The following PLEKHA8 variants were observed in gnomAD, a reference collection of about 807,000 sequenced individuals.
The protein encoded by PLEKHA8 is pleckstrin homology domain-containing family A member 8.
Under a neutral mutation model 68.2 loss-of-function variants are expected in PLEKHA8, and 36 were observed. That is an observed-to-expected ratio of 0.53 (90% confidence interval 0.40 to 0.70). PLEKHA8 has a LOEUF of 0.70. Ranked by LOEUF, PLEKHA8 falls within the 30% of genes least tolerant of loss-of-function variation. PLEKHA8 has a pLI of 0.00. For missense variants in PLEKHA8, 505 were observed against 615.4 expected, an observed-to-expected ratio of 0.82 and a Z score of 1.90; for synonymous variants, 211 against 216.1, an observed-to-expected ratio of 0.98 and a Z score of 0.20.
At chr7:30,060,835 G>A (rs1206938101) in intron 9 of PLEKHA8, 49 bp from the exon 10 acceptor site, 2 of 1,429,618 alleles carry the variant, frequency 1.4e-6, no homozygotes, top group South Asian at 1.2e-5. Context: ...AAAAAATATT[G>A]CCACTTAAAA....
chr7:30,085,751 G>C (rs1285727847), downstream of PLEKHA8, among the ~76,000 whole-genome samples: 1 of 152,176 alleles, frequency 6.6e-6, no homozygotes, highest in Non-Finnish European at 1.5e-5. Flanking sequence ...AGAGAAACAG[G>C]AGTGTTGAGT....
At position 30,054,671 on chromosome 7, in the gene PLEKHA8, A is replaced by G; in HGVS notation, c.797-38A>G. Reference sequence around the variant, plus strand: ...ATCAATATGTATTTTTATAATAAATATATAATAGGTTAGTAATAGATATTT... The same window carrying G: ...ATCAATATGTATTTTTATAATAAATGTATAATAGGTTAGTAATAGATATTT... On this transcript the variant is annotated intron_variant, in intron 7 of 13. Coordinates refer to ENST00000449726, the MANE Select transcript of PLEKHA8 (RefSeq NM_001197026.2). 2.3e-6 allele frequency: 3 copies of G among 1,292,164 alleles called. No homozygotes were observed. In the South Asian group the frequency reaches 5.9e-5, roughly 25 times the overall value. The allele number at this position is 1,292,164 out of a possible 1,614,324, so 80.0% of individuals were successfully genotyped here. A position where few individuals can be genotyped will look rare whatever the true frequency, so the allele number is the denominator to read the frequency against.
At chr7:30,058,064 C>CT (rs931108911) in intron 9 of PLEKHA8, among the ~76,000 whole-genome samples, 67 of 151,300 alleles carry the variant, frequency 4.4e-4, no homozygotes, top group Middle Eastern at 3.4e-3. Context: ...ATATTGAGCA[C>CT]TTTTTTTTTA....
chr7:30,092,875 A>G (rs1037365286), downstream of PLEKHA8, among the ~76,000 whole-genome samples: 4 of 152,214 alleles, frequency 2.6e-5, no homozygotes, highest in African/African-American at 9.7e-5. Flanking sequence ...TACGACATTT[A>G]GTCCTGAATC....
At position 30,083,278 on chromosome 7, in the gene PLEKHA8, C is replaced by T. The variant is rs1368279330; in HGVS notation, c.*4491C>T. 3.1e-6 allele frequency: 3 copies of T among 983,362 alleles called. No individual in the cohort carries two copies. The highest frequency in any genetic ancestry group is 1.2e-4 in the Admixed American group (2 of 16,246). The allele number at this position is 983,362 out of a possible 1,614,324, so 60.9% of individuals were successfully genotyped here. ...AGAAGTACATTCTACTTCTGTATGT[C>T]CCTTTGTAATCCGCAGTTGCTTACT... On this transcript the variant is annotated 3_prime_UTR_variant, in exon 14 of 14. Coordinates refer to ENST00000449726, the MANE Select transcript of PLEKHA8 (RefSeq NM_001197026.2).
At chr7:30,059,573 A>C (rs997152325) in intron 9 of PLEKHA8, among the ~76,000 whole-genome samples, 2 of 137,720 alleles carry the variant, frequency 1.5e-5, no homozygotes, top group African/African-American at 5.7e-5. Context: ...CTAGCCAGTT[A>C]ATCAATTTTT....
intron 12 of PLEKHA8, among the ~76,000 whole-genome samples, chr7:30,065,379 T>C (rs538897752): frequency 2.6e-4 from 40 of 152,236 alleles, no homozygotes; most frequent in South Asian, 1.9e-3. Flanking sequence ...AAAGTTCCCC[T>C]ATTAAACCCA....
intron 3 of PLEKHA8, among the ~76,000 whole-genome samples, chr7:30,046,631 A>G (rs1562860487): frequency 6.6e-6 from 1 of 152,220 alleles, no homozygotes; most frequent in Non-Finnish European, 1.5e-5. Context: ...TAACCTTGGC[A>G]TCGGTCACTT....
rs1326119779 is a variant in PLEKHA8 at position 30,028,741 on chromosome 7, G to T, written c.-22G>T. 2 of 1,256,118 alleles carry T rather than the reference G, an allele frequency of 1.6e-6. No homozygotes were observed. The highest frequency in any genetic ancestry group is 2.0e-6 in the Non-Finnish European group (2 of 993,882). The allele number at this position is 1,256,118 out of a possible 1,614,324, so 77.8% of individuals were successfully genotyped here. On this transcript the variant is annotated 5_prime_UTR_variant, in exon 1 of 14. Transcript: ENST00000449726. The stretch of plus-strand genomic sequence containing the variant: ...GGGCAGTGAGGGGGCCGGCGGGCGT[G>T]GGCCGAGTGGCCGCGGGCGCCATGG...
At chr7:30,115,087 A>C (rs2128019444) in intron 13 of PLEKHA8, among the ~76,000 whole-genome samples, 1 of 151,734 alleles carries the variant, frequency 6.6e-6, no homozygotes, top group South Asian at 2.1e-4. Context: ...CTTACCACTC[A>C]CTTCTCTCTT....
intron 12 of PLEKHA8, among the ~76,000 whole-genome samples, chr7:30,072,976 A>G (rs1256835101): frequency 6.6e-6 from 1 of 152,246 alleles, no homozygotes; most frequent in African/African-American, 2.4e-5. Flanking sequence ...CCTGTGGAGA[A>G]ATCAGTTTTG....
chr7:30,104,840 A>C (rs1215209971), intron 13 of PLEKHA8, among the ~76,000 whole-genome samples: 1 of 149,154 alleles, frequency 6.7e-6, no homozygotes, highest in Non-Finnish European at 1.5e-5. Flanking sequence ...CTCGTGCCTC[A>C]GCCTTCCGAG....
chr7:30,047,788 GTTGT>G (rs1477430717), intron 3 of PLEKHA8, 40 bp from the exon 4 acceptor site: 2 of 1,565,588 alleles, frequency 1.3e-6, no homozygotes, highest in Admixed American at 1.8e-5. Context: ...TAGTAAATCA[GTTGT>G]TTGTTCTGGT....
At chr7:30,116,410 G>A (rs545048093) in intron 13 of PLEKHA8, among the ~76,000 whole-genome samples, 9 of 151,990 alleles carry the variant, frequency 5.9e-5, no homozygotes, top group Admixed American at 3.3e-4. Flanking sequence ...ATAGTGTATT[G>A]TATTTTTCTT....
In PLEKHA8 at chr7:30,071,067, G is replaced by C. The variant is rs371293294; in HGVS notation, c.1301-3004G>C. ...AAAAAACTAGCAGAATATTTTTCCT[G>C]AATACCCACTGTGGTTATCTCTGGG... is the stretch of plus-strand genomic sequence containing the variant. On this transcript the variant is annotated intron_variant, in intron 12 of 13. Coordinates refer to ENST00000449726, the MANE Select transcript of PLEKHA8 (RefSeq NM_001197026.2). Among the ~76,000 whole-genome samples the C allele has an allele frequency of 1.8e-4, 27 of 152,236 alleles. No homozygotes were observed. The East Asian group carries it at 5.2e-3, about 29-fold the overall frequency.
chr7:30,034,375 G>A (rs1157541212), intron 1 of PLEKHA8, among the ~76,000 whole-genome samples: 1 of 152,064 alleles, frequency 6.6e-6, no homozygotes, highest in Admixed American at 6.6e-5. Flanking sequence ...GTTGACCCAT[G>A]AATAATGCAG....
At chr7:30,111,188 C>A (rs1297223484) in intron 13 of PLEKHA8, among the ~76,000 whole-genome samples, 3 of 152,140 alleles carry the variant, frequency 2.0e-5, no homozygotes, top group Non-Finnish European at 4.4e-5. Context: ...CACGCATGAG[C>A]CATCACACCT....
chr7:30,115,606 AT>A (rs1158870504), intron 13 of PLEKHA8, among the ~76,000 whole-genome samples: 6 of 150,836 alleles, frequency 4.0e-5, no homozygotes, highest in Non-Finnish European at 8.9e-5. Context: ...GTATACATAC[AT>A]TTATACATGC....
intron 1 of PLEKHA8, among the ~76,000 whole-genome samples, chr7:30,039,471 C>T (rs533354869): frequency 3.3e-5 from 5 of 152,276 alleles, no homozygotes; most frequent in African/African-American, 9.6e-5. Flanking sequence ...GCTGAGGTCA[C>T]GCTGTTGCAC....
Sources: gnomAD v4.1 joint callset for allele counts (sites outside exome capture counted in the v4.1 genomes callset) on GRCh38, gnomAD v4.1.1 for gene constraint, MANE v1.5 for transcripts, NCBI Gene and HGNC (gene_info 2026-07-23, HGNC 2026-07-21) for gene names.